ZFAT: variants seen among roughly 807,000 people sequenced by gnomAD.
ZFAT encodes zinc finger protein ZFAT.
In ZFAT, 64 loss-of-function variants were observed where a neutral mutation model predicts 117.7. The observed-to-expected ratio is 0.54, with a 90% CI of 0.44 to 0.67. The LOEUF is 0.67. ZFAT is among the 30% of genes least tolerant of loss of function. The pLI is 0.00. For synonymous variants in ZFAT, 679 were observed against 615.0 expected, an observed-to-expected ratio of 1.10 and a Z score of -1.54; for missense variants, 1,433 against 1,584.5, an observed-to-expected ratio of 0.90 and a Z score of 1.62.
chr8:134,524,790 C>T (rs909806211), intron 12 of ZFAT, among the ~76,000 whole-genome samples: 3 of 152,338 alleles, frequency 2.0e-5, no homozygotes, highest in Non-Finnish European at 4.4e-5. Flanking sequence ...AGCTAACATC[C>T]TCATTGGTTA....
At chr8:134,830,691 G>A in the ZFAT span, among the ~76,000 whole-genome samples, 2 of 152,192 alleles carry the variant, frequency 1.3e-5, no homozygotes, top group African/African-American at 4.8e-5. Context: ...TTTCTTAGAT[G>A]AGATTTAAAT....
chr8:134,557,210 G>A (rs577821806), intron 11 of ZFAT, among the ~76,000 whole-genome samples: 4 of 152,134 alleles, frequency 2.6e-5, no homozygotes, highest in South Asian at 2.1e-4. Context: ...AAAACAAGAC[G>A]AACACAAAAA....
intron 7 of ZFAT, chr8:134,597,789 A>T (rs1191900037): frequency 6.6e-6 from 1 of 152,172 alleles, no homozygotes; most frequent in African/African-American, 2.4e-5. Flanking sequence ...AGAACTGCAA[A>T]TATCAGTAAG....
In ZFAT at chr8:134,602,077, C is replaced by T; in HGVS notation, c.1642G>A (p.Glu548Lys). The change falls in exon 6 of 16, where the codon GAG becomes AAG. Residue 548 changes from glutamate (E) to lysine (K), a missense_variant. Coordinates refer to ENST00000377838, the MANE Select transcript of ZFAT (RefSeq NM_020863.4). ...GDTQLEEGRK[E>K]PEAPGEMPAP... ...GGCATTTCCCCAGGGGCCTCCGGCTCCTTCCGGCCCTCCTCCAGCTGAGTG... is the reference window on the plus strand; with the variant it reads ...GGCATTTCCCCAGGGGCCTCCGGCTTCTTCCGGCCCTCCTCCAGCTGAGTG... 1.2e-6 allele frequency: 2 copies of T among 1,611,532 alleles called. No individual in the cohort carries two copies. The highest frequency in any genetic ancestry group is 1.7e-6 in the Non-Finnish European group (2 of 1,179,334).
chr8:134,594,570 A>C (rs1281863333), intron 7 of ZFAT, among the ~76,000 whole-genome samples: 1 of 152,214 alleles, frequency 6.6e-6, no homozygotes, highest in Non-Finnish European at 1.5e-5. Flanking sequence ...TAGATGCACC[A>C]CCGCCAATCA....
chr8:134,539,077 C>T (rs1006729483), intron 11 of ZFAT, among the ~76,000 whole-genome samples: 1 of 152,090 alleles, frequency 6.6e-6, no homozygotes, highest in Non-Finnish European at 1.5e-5. Flanking sequence ...TAGAAGAGGA[C>T]AGGGAATATA....
chr8:134,733,402 AT>A, the ZFAT span, among the ~76,000 whole-genome samples: 1 of 152,158 alleles, frequency 6.6e-6, no homozygotes, highest in African/African-American at 2.4e-5. Context: ...AGTTTATGCA[AT>A]GGTTTTCTGG....
At chr8:134,552,728 T>C (rs1823262766) in intron 11 of ZFAT, among the ~76,000 whole-genome samples, 1 of 152,244 alleles carries the variant, frequency 6.6e-6, no homozygotes, top group African/African-American at 2.4e-5. Context: ...GAGCTATTTG[T>C]CAAACAGCAG....
At chr8:134,523,202 C>T (rs115984297) in intron 12 of ZFAT, among the ~76,000 whole-genome samples, 2,155 of 152,350 alleles carry the variant, frequency 0.014, 61 homozygotes, top group African/African-American at 0.049. Flanking sequence ...CCAGCCTCCA[C>T]ACCTTTATGC....
chr8:134,629,243 A>G (rs1316135537), intron 3 of ZFAT, among the ~76,000 whole-genome samples: 1 of 152,194 alleles, frequency 6.6e-6, no homozygotes, highest in Non-Finnish European at 1.5e-5. Flanking sequence ...CGGATTGAAC[A>G]CACTGCATAA....
At chr8:134,674,823 C>T in intron 1 of ZFAT, 1 of 288,654 alleles carries the variant, frequency 3.5e-6, no homozygotes, top group Admixed American at 4.2e-5. Context: ...TGTTGTTCTG[C>T]AGCCTCCACT....
Position 134,478,820 on chromosome 8 carries a change from G to A in ZFAT, c.3493-99C>T. On this transcript the variant is annotated intron_variant, in intron 15 of 15. Transcript: ENST00000377838. This position sits in a 1 kb window ranked among gnomAD's most constrained non-coding sequence, Gnocchi z 5.2. ...ACAGTTTAGGAGGCACCAGTGCGCT[G>A]CGGGAGCACGTCCATTCTCCACGGA... The A allele has an allele frequency of 1.4e-6, 2 of 1,463,064 alleles. No homozygotes were observed. Among genetic ancestry groups the A allele is most frequent in the South Asian group, 1.3e-5 (1 of 74,588 alleles). 90.6% of individuals were successfully genotyped at this position (1,463,064 alleles called of 1,614,324 possible).
At chr8:134,680,325 G>A (rs143660179) in intron 1 of ZFAT, among the ~76,000 whole-genome samples, 1 of 150,222 alleles carries the variant, frequency 6.7e-6, no homozygotes, top group Non-Finnish European at 1.5e-5. Context: ...TGTAAAGAAA[G>A]CACTGGATGA....
At chr8:134,787,137 G>C in the ZFAT span, among the ~76,000 whole-genome samples, 4 of 152,256 alleles carry the variant, frequency 2.6e-5, no homozygotes, top group South Asian at 8.3e-4. Flanking sequence ...ATGAGCCACT[G>C]TGTCTGGCTA....
chr8:134,478,533 G>A lies in ZFAT; in HGVS notation c.3681C>T (p.Ala1227=). 1 of 1,590,064 alleles carries A rather than the reference G, an allele frequency of 6.3e-7. No individual in the cohort carries two copies. Among genetic ancestry groups the A allele is most frequent in the Non-Finnish European group, 8.6e-7 (1 of 1,168,930 alleles). Residue 1227 remains alanine, a synonymous_variant, in exon 16 of 16, where the codon GCC becomes GCT. Coordinates refer to ENST00000377838, the MANE Select transcript of ZFAT (RefSeq NM_020863.4). This position sits in a 1 kb window ranked among gnomAD's most constrained non-coding sequence, Gnocchi z 5.2. ...ASEFIVYVQE[A]MQPVEEQAVE... is the part of the protein sequence containing the mutation. The stretch of plus-strand genomic sequence containing the variant: ...CAGCCTGCTCCTCCACAGGCTGCAT[G>A]GCCTCCTGCACGTAGACGATGAACT...
intron 14 of ZFAT, chr8:134,510,220 G>C (rs2289548): frequency 0.28 from 124,944 of 444,132 alleles, 18,958 homozygotes; most frequent in African/African-American, 0.48. Context: ...ATTATTCAAC[G>C]AGTAGGCTTT....
At chr8:134,588,432 AC>A in intron 8 of ZFAT, 37 bp from the exon 9 acceptor site, 1 of 1,532,776 alleles carries the variant, frequency 6.5e-7, no homozygotes, top group Non-Finnish European at 8.8e-7. Context: ...GAGTCAGAGC[AC>A]CTCAGGGGAA....
the ZFAT span, among the ~76,000 whole-genome samples, chr8:134,827,890 T>C: frequency 6.6e-6 from 1 of 152,188 alleles, no homozygotes; most frequent in African/African-American, 2.4e-5. Flanking sequence ...TAAGTGACAT[T>C]TTAAAAGTGA....
At chr8:134,637,181 A>G (rs1830267883) in intron 3 of ZFAT, among the ~76,000 whole-genome samples, 1 of 152,220 alleles carries the variant, frequency 6.6e-6, no homozygotes, top group African/African-American at 2.4e-5. Flanking sequence ...AGCTCAGCAA[A>G]GAGAGAGGCT....
Sources: gnomAD v4.1 joint callset for allele counts (sites outside exome capture counted in the v4.1 genomes callset) on GRCh38, gnomAD v4.1.1 for gene constraint, Gnocchi (gnomAD v3.1) non-coding constraint, MANE v1.5 for transcripts, NCBI Gene and HGNC (gene_info 2026-07-23, HGNC 2026-07-21) for gene names.